Variants in DMTF1 observed in about 807,000 individuals in gnomAD.
DMTF1 encodes cyclin D binding myb like transcription factor 1.
DMTF1 carries 39 observed loss-of-function variants against 91.1 expected under a neutral mutation model. That is an observed-to-expected ratio of 0.43 (90% CI 0.33 to 0.56). The LOEUF is 0.56. Ranked by LOEUF, DMTF1 falls within the 20% of genes least tolerant of loss-of-function variation. DMTF1 has a pLI of 0.05. For synonymous variants in DMTF1, 338 were observed against 309.5 expected (o/e 1.09, Z -0.97); for missense variants, 750 against 914.5 (o/e 0.82, Z 2.32).
At position 87,191,048 on chromosome 7, in the gene DMTF1, A is replaced by G. The variant is rs1453102814; in HGVS notation, c.1494+21A>G. ...TTCCCGTGAGTAACGCTTCATATAT[A>G]TTGGCCATTTTTATGCATGAGAAAG... is the stretch of plus-strand genomic sequence containing the variant. On this transcript the variant is annotated intron_variant, in intron 14 of 17. Transcript: ENST00000331242. 4.7e-6 allele frequency: 7 copies of G among 1,489,302 alleles called. No homozygotes were observed. The South Asian group carries it at 8.3e-5, about 18-fold the overall frequency. 92.3% of individuals were successfully genotyped at this position (1,489,302 alleles called of 1,614,324 possible).
chr7:87,182,089 C>G lies in DMTF1; in HGVS notation c.711-139C>G, dbSNP rs774157608. 11 of 1,541,590 alleles carry G rather than the reference C, an allele frequency of 7.1e-6. No homozygotes were observed. The African/African-American group carries it at 1.1e-4, about 15-fold the overall frequency. On this transcript the variant is annotated intron_variant, in intron 9 of 17. Transcript: ENST00000331242. ...GGACCCCAAAAAAAGGCCACACTTT[C>G]AAACTTTGGCTCTCAAAGTATTGCT...
In DMTF1 at chr7:87,195,265, C is replaced by A; in HGVS notation, c.*125C>A. The A allele has an allele frequency of 1.5e-6, 1 of 645,486 alleles. No individual in the cohort carries two copies. 40.0% of individuals were successfully genotyped at this position (645,486 alleles called of 1,614,324 possible). ...AATTTAAATAGCCACAGTCCTTAAG[C>A]CACACACATTGTTGCTGCTATGACT... is the stretch of plus-strand genomic sequence containing the variant. On this transcript the variant is annotated 3_prime_UTR_variant, in exon 18 of 18. Transcript: ENST00000331242.
chr7:87,191,317 G>T (rs1799710915), intron 14 of DMTF1, among the ~76,000 whole-genome samples: 1 of 152,124 alleles, frequency 6.6e-6, no homozygotes, highest in Admixed American at 6.6e-5. Flanking sequence ...GAGAAAGTCT[G>T]TGGACAAACT....
chr7:87,153,725 TA>T (rs894285501), intron 1 of DMTF1, among the ~76,000 whole-genome samples: 1 of 152,258 alleles, frequency 6.6e-6, no homozygotes, highest in African/African-American at 2.4e-5. Flanking sequence ...TCTGTGGAAT[TA>T]TTTTTTAATA....
chr7:87,155,136 C>T (rs1230679974), intron 1 of DMTF1, among the ~76,000 whole-genome samples: 4 of 152,156 alleles, frequency 2.6e-5, no homozygotes, highest in Non-Finnish European at 4.4e-5. Context: ...CTGCCTGGCA[C>T]ATAGATGTTA....
At chr7:87,179,775 A>C in intron 8 of DMTF1, 73 bp downstream of exon 8, 1 of 1,356,952 alleles carries the variant, frequency 7.4e-7, no homozygotes, top group East Asian at 2.5e-5. Flanking sequence ...CATTTTTTTA[A>C]ACAATAGAAA....
Position 87,165,037 on chromosome 7 carries a change from C to G in DMTF1, c.96C>G (p.His32Gln). The change falls in exon 3 of 18, where the codon CAC becomes CAG. Residue 32 changes from histidine (H) to glutamine (Q), a missense_variant. Around this residue, in one of 3 missense-constraint regions of DMTF1, gnomAD observed 150 missense variants for 150.4 expected, o/e 1.00. Transcript: ENST00000331242. Reference protein sequence around the residue: ...TQDTEGNLILHCPQNEADEID... With the variant: ...TQDTEGNLILQCPQNEADEID... The stretch of plus-strand genomic sequence containing the variant: ...ACACAGAAGGGAATCTCATTCTTCA[C>G]TGCCCTCAGAATGGTAGGAGAACTT... 1 of 1,606,084 alleles carries G rather than the reference C, an allele frequency of 6.2e-7. No homozygotes were observed. Among genetic ancestry groups the G allele is most frequent in the African/African-American group, 1.3e-5 (1 of 74,828 alleles).
intron 1 of DMTF1, among the ~76,000 whole-genome samples, chr7:87,159,806 C>T (rs1427070267): frequency 6.6e-6 from 1 of 152,080 alleles, no homozygotes. Flanking sequence ...GTACTGAGTA[C>T]AATGTTAACA....
chr7:87,161,351 A>T lies in DMTF1; in HGVS notation c.-131-2144A>T, dbSNP rs534514685. On this transcript the variant is annotated intron_variant, in intron 1 of 17. Coordinates refer to ENST00000331242, the MANE Select transcript of DMTF1 (RefSeq NM_001142327.2). The stretch of plus-strand genomic sequence containing the variant: ...CATCTCTACTAAAAAAATACCAAAA[A>T]ATTAGCTGGGCATGGTGGCACACGC... 7.9e-5 allele frequency among the ~76,000 whole-genome samples: 12 copies of T among 152,228 alleles called. No homozygotes were observed. The South Asian group carries it at 2.5e-3, about 32-fold the overall frequency.
intron 1 of DMTF1, among the ~76,000 whole-genome samples, chr7:87,153,430 A>G (rs1399313915): frequency 1.3e-5 from 2 of 152,206 alleles, no homozygotes; most frequent in African/African-American, 2.4e-5. Context: ...TTTTACCACA[A>G]TCTCCAGAGC....
intron 7 of DMTF1, among the ~76,000 whole-genome samples, chr7:87,178,822 C>CT (rs1796776558): frequency 6.7e-6 from 1 of 149,854 alleles, no homozygotes; most frequent in African/African-American, 2.5e-5. Context: ...GATTGTGTGT[C>CT]TATTTGGTAG....
chr7:87,183,909 G>T (rs1011121092), intron 10 of DMTF1, among the ~76,000 whole-genome samples: 1 of 152,164 alleles, frequency 6.6e-6, no homozygotes, highest in Admixed American at 6.5e-5. Context: ...TAGAAACCTA[G>T]TTTTTACTAA....
chr7:87,152,985 TAG>T (rs1413574124), intron 1 of DMTF1: 1 of 154,648 alleles, frequency 6.5e-6, no homozygotes. Flanking sequence ...GTTCTATTTT[TAG>T]TTTTTATTTT....
At chr7:87,163,955 A>G (rs1318059633) in intron 2 of DMTF1, among the ~76,000 whole-genome samples, 3 of 149,864 alleles carry the variant, frequency 2.0e-5, no homozygotes, top group African/African-American at 2.5e-5. Context: ...AGACAGGAGT[A>G]TCACTTGAGC....
chr7:87,184,717 G>A, intron 11 of DMTF1, 92 bp downstream of exon 11: 3 of 1,093,206 alleles, frequency 2.7e-6, no homozygotes, highest in Non-Finnish European at 4.1e-6. Context: ...TGGATGCCTA[G>A]TGTCTGAAAA....
rs551363065 is a variant in DMTF1, at chr7:87,170,977, C to T, written c.233-18C>T. On this transcript the variant is annotated intron_variant, in intron 4 of 17. Transcript: ENST00000331242. ...TTGCCGTTATTATTCTGGAGATGAA[C>T]GGTTCCTTTTCTTGAAGTTTCAGAA... is the stretch of plus-strand genomic sequence containing the variant. The T allele has an allele frequency of 1.9e-5, 29 of 1,518,790 alleles. No individual in the cohort carries two copies. The highest frequency in any genetic ancestry group is 5.5e-5 in the African/African-American group (4 of 72,968). The allele number at this position is 1,518,790 out of a possible 1,614,324, so 94.1% of individuals were successfully genotyped here. A position where few individuals can be genotyped will look rare whatever the true frequency, so the allele number is the denominator to read the frequency against.
At chr7:87,161,335 T>TA (rs1265894771) in intron 1 of DMTF1, among the ~76,000 whole-genome samples, 7 of 151,918 alleles carry the variant, frequency 4.6e-5, no homozygotes, top group Non-Finnish European at 8.8e-5. Flanking sequence ...CCATCTCTAC[T>TA]AAAAAAATAC....
chr7:87,193,335 T>G lies in DMTF1; in HGVS notation c.1632T>G (p.Ile544Met), dbSNP rs1449160994. ...CTGCTCCTGCTTCTCCTGAACAGAT[T>G]ATTGTTCATGCTTTATCCGTATGTT... Reference protein sequence around the residue: ...TAAAPASPEQIIVHALSPEHL... With the variant: ...TAAAPASPEQMIVHALSPEHL... Residue 544 changes from isoleucine to methionine, a missense_variant, in exon 15 of 18, where the codon ATT becomes ATG. Around this residue, in one of 3 missense-constraint regions of DMTF1, gnomAD observed 410 missense variants for 420.2 expected, o/e 0.98. Coordinates refer to ENST00000331242, the MANE Select transcript of DMTF1 (RefSeq NM_001142327.2). The G allele has an allele frequency of 6.2e-6, 10 of 1,613,138 alleles. No individual in the cohort carries two copies. Among genetic ancestry groups the G allele is most frequent in the Non-Finnish European group, 8.5e-6 (10 of 1,179,484 alleles).
At chr7:87,185,792 AATTT>A (rs1798280317) in intron 11 of DMTF1, 33 bp from the exon 12 acceptor site, 2 of 1,610,934 alleles carry the variant, frequency 1.2e-6, no homozygotes, top group Non-Finnish European at 8.5e-7. Context: ...TAGAGAAATT[AATTT>A]AATGTCTAAC....
Sources: gnomAD v4.1 joint callset for allele counts (sites outside exome capture counted in the v4.1 genomes callset) on GRCh38, gnomAD v4.1.1 for gene constraint, gnomAD v4.1.1 regional missense constraint, MANE v1.5 for transcripts, NCBI Gene and HGNC (gene_info 2026-07-23, HGNC 2026-07-21) for gene names.